MAP3K20: variants seen among roughly 807,000 people sequenced by gnomAD.
MAP3K20 encodes the protein mitogen-activated protein kinase kinase kinase 20, also known as HCCS-4.
MAP3K20 carries 40 observed loss-of-function variants against 85.7 expected under a neutral mutation model. The observed-to-expected ratio is 0.47, with a 90% confidence interval of 0.36 to 0.61. The LOEUF is 0.61. MAP3K20 is among the 20% of genes least tolerant of loss of function. MAP3K20 has a pLI of 0.00. For synonymous variants in MAP3K20, 325 were observed against 327.7 expected, an observed-to-expected ratio of 0.99 and a Z score of 0.09; for missense variants, 817 against 961.7, an observed-to-expected ratio of 0.85 and a Z score of 1.99.
intron 2 of MAP3K20, among the ~76,000 whole-genome samples, chr2:173,099,080 G>A (rs892304344): frequency 1.3e-5 from 2 of 152,200 alleles, no homozygotes; most frequent in African/African-American, 4.8e-5. Flanking sequence ...TTGTCAAAAA[G>A]TGGCGGAGAG....
At chr2:173,224,905 T>C (rs566913959) in intron 11 of MAP3K20, 5 of 985,318 alleles carry the variant, frequency 5.1e-6, no homozygotes, top group Admixed American at 6.1e-5. Flanking sequence ...ACTTTTCAGA[T>C]CAGTGTTTGA....
chr2:173,190,104 C>T (rs142384113), intron 5 of MAP3K20, among the ~76,000 whole-genome samples: 3 of 152,220 alleles, frequency 2.0e-5, no homozygotes, highest in African/African-American at 7.2e-5. Context: ...TTGTCTGCTC[C>T]TGAGTTTTTG....
At chr2:173,243,833 A>T (rs144402273) in intron 16 of MAP3K20, among the ~76,000 whole-genome samples, 8,399 of 152,124 alleles carry the variant, frequency 0.055, 864 homozygotes, top group East Asian at 0.52. Context: ...CCGTGTTAGT[A>T]GCCAGGATGG....
chr2:173,167,058 G>A (rs1000896846), intron 2 of MAP3K20, among the ~76,000 whole-genome samples: 2 of 151,752 alleles, frequency 1.3e-5, no homozygotes, highest in East Asian at 3.9e-4. Context: ...GACTACAGGC[G>A]CCCGCTACCA....
intron 4 of MAP3K20, among the ~76,000 whole-genome samples, chr2:173,185,824 A>T (rs1486466299): frequency 6.6e-6 from 1 of 152,258 alleles, no homozygotes; most frequent in Non-Finnish European, 1.5e-5. Flanking sequence ...CAATTAAAGC[A>T]GATAAACTCC....
intron 2 of MAP3K20, among the ~76,000 whole-genome samples, chr2:173,146,624 TATTCTGGACATTTC>T (rs752374272): frequency 2.0e-5 from 3 of 152,232 alleles, no homozygotes; most frequent in Non-Finnish European, 4.4e-5. Context: ...GAGATCTGCC[TATTCTGGACATTTC>T]ATATAAATAG....
intron 11 of MAP3K20, chr2:173,224,926 A>G: frequency 1.0e-6 from 1 of 985,248 alleles, no homozygotes; most frequent in Non-Finnish European, 1.2e-6. Context: ...AATGGCAATT[A>G]TCAGTGTTGG....
chr2:173,146,225 T>G (rs2106220743), intron 2 of MAP3K20, among the ~76,000 whole-genome samples: 1 of 152,066 alleles, frequency 6.6e-6, no homozygotes, highest in African/African-American at 2.4e-5. Context: ...AGTTTCAGGT[T>G]TTTGTTGTTT....
intron 2 of MAP3K20, among the ~76,000 whole-genome samples, chr2:173,124,642 C>G (rs1180206380): frequency 2.0e-5 from 3 of 152,144 alleles, no homozygotes; most frequent in Admixed American, 2.0e-4. Flanking sequence ...GTGTGACATG[C>G]CAGAACTTGT....
At chr2:173,180,929 A>C (rs1285603316) in intron 3 of MAP3K20, among the ~76,000 whole-genome samples, 4 of 152,208 alleles carry the variant, frequency 2.6e-5, no homozygotes, top group Non-Finnish European at 5.9e-5. Context: ...TCTTTGAAAC[A>C]TGATCTTAAG....
chr2:173,175,496 T>C (rs1690126763), intron 3 of MAP3K20, among the ~76,000 whole-genome samples: 1 of 152,216 alleles, frequency 6.6e-6, no homozygotes. Flanking sequence ...TTGTAAAAGT[T>C]AGCAGTGTTT....
At chr2:173,097,351 G>C (rs1177747792) in intron 2 of MAP3K20, among the ~76,000 whole-genome samples, 2 of 152,152 alleles carry the variant, frequency 1.3e-5, no homozygotes, top group Admixed American at 1.3e-4. Context: ...GTGAGACTCT[G>C]TCTCAAAATC....
At chr2:173,243,666 A>G (rs1174311151) in intron 16 of MAP3K20, among the ~76,000 whole-genome samples, 2 of 152,162 alleles carry the variant, frequency 1.3e-5, no homozygotes, top group Non-Finnish European at 2.9e-5. Flanking sequence ...CGCCCAGGCC[A>G]GAGTGCAGTG....
In MAP3K20 at chr2:173,266,164, A is replaced by G. The variant is rs1485068534; in HGVS notation, c.1817A>G (p.Asp606Gly). Residue 606 changes from aspartate (D) to glycine (G), a missense_variant, in exon 20 of 20, where the codon GAT becomes GGT. By Grantham distance (94) the Asp-to-Gly change is moderately conservative. This residue lies in a region of MAP3K20 where 454 missense variants were observed against 476.9 expected (regional missense o/e 0.95). Transcript: ENST00000375213. ...GGGTCACCGTTCTTCTCACACTTTG[A>G]TGGCCAGGATTCCTACGCTGCTGCT... The part of the protein sequence containing the change: ...ILGSPFFSHF[D>G]GQDSYAAAVR... 1.9e-6 allele frequency: 3 copies of G among 1,613,870 alleles called. No homozygotes were observed. The African/African-American group carries it at 4.0e-5, about 22-fold the overall frequency.
At chr2:173,147,092 C>A (rs1041496119) in intron 2 of MAP3K20, among the ~76,000 whole-genome samples, 3 of 152,078 alleles carry the variant, frequency 2.0e-5, no homozygotes, top group Non-Finnish European at 4.4e-5. Flanking sequence ...TGTATATATT[C>A]CACATACTAG....
intron 19 of MAP3K20, among the ~76,000 whole-genome samples, chr2:173,265,250 A>G (rs1419255011): frequency 2.6e-5 from 4 of 152,196 alleles, no homozygotes; most frequent in Non-Finnish European, 5.9e-5. Context: ...GGCTGGGAGG[A>G]CCACCCAGGA....
chr2:173,092,294 A>C (rs1687323944), intron 2 of MAP3K20, among the ~76,000 whole-genome samples: 1 of 152,220 alleles, frequency 6.6e-6, no homozygotes, highest in Non-Finnish European at 1.5e-5. Context: ...ATCCGTACAC[A>C]AAACAGAAAG....
chr2:173,154,314 G>T (rs978276315), intron 2 of MAP3K20, among the ~76,000 whole-genome samples: 1 of 152,154 alleles, frequency 6.6e-6, no homozygotes, highest in Non-Finnish European at 1.5e-5. Flanking sequence ...CTCCCGAGTA[G>T]TTTGGACTAT....
intron 2 of MAP3K20, among the ~76,000 whole-genome samples, chr2:173,132,114 C>T (rs985950249): frequency 6.6e-6 from 1 of 152,134 alleles, no homozygotes; most frequent in South Asian, 2.1e-4. Flanking sequence ...GTCCCCATCT[C>T]TCCTTCCCTT....
Sources: gnomAD v4.1 joint callset for allele counts (sites outside exome capture counted in the v4.1 genomes callset) on GRCh38, gnomAD v4.1.1 for gene constraint, gnomAD v4.1.1 regional missense constraint, MANE v1.5 for transcripts, NCBI Gene and HGNC (gene_info 2026-07-23, HGNC 2026-07-21) for gene names.